Variants in CADM1 observed in about 807,000 individuals in gnomAD.
CADM1 encodes the protein TSLC-1.
Under a neutral mutation model 53.1 loss-of-function variants are expected in CADM1, and 15 were observed. The observed-to-expected ratio is 0.28, with a 90% CI of 0.19 to 0.44. CADM1 has a LOEUF of 0.44. CADM1 is among the 20% of genes least tolerant of loss of function. CADM1 has a pLI of 1.00. For synonymous variants in CADM1, 281 were observed against 243.0 expected (o/e 1.16, Z -1.45); for missense variants, 434 against 611.3 (o/e 0.71, Z 3.06).
chr11:115,417,032 T>G (rs1440877954), intron 1 of CADM1, among the ~76,000 whole-genome samples: 1 of 152,156 alleles, frequency 6.6e-6, no homozygotes, highest in African/African-American at 2.4e-5. Context: ...TAATTCAATA[T>G]GGAAGTATAG....
chr11:115,315,146 C>A lies in CADM1; in HGVS notation c.125-74726G>T, dbSNP rs151141717. ...TTGTGACACTAAAATCAATTTCCTA[C>A]GCCTTTACTAACTGTTCTACCAAAA... is the stretch of plus-strand genomic sequence containing the variant. On this transcript the variant is annotated intron_variant, in intron 1 of 11. Transcript: ENST00000331581. 7.9e-4 allele frequency among the ~76,000 whole-genome samples: 120 copies of A among 152,134 alleles called. 1 individual carries two copies. The highest frequency in any genetic ancestry group is 2.8e-3 in the African/African-American group (115 of 41,500).
chr11:115,454,296 A>G (rs926721818), intron 1 of CADM1, among the ~76,000 whole-genome samples: 97 of 152,354 alleles, frequency 6.4e-4, no homozygotes, highest in African/African-American at 2.2e-3. Flanking sequence ...GGCTAAAAAT[A>G]GCAGAAGTAA....
Position 115,175,396 on chromosome 11 carries a change from T to C in CADM1, c.*1078A>G. On this transcript the variant is annotated 3_prime_UTR_variant, in exon 12 of 12. Coordinates refer to ENST00000331581, the MANE Select transcript of CADM1 (RefSeq NM_001301043.2). ...AAAGGAAAAAAAAAAAAAAATCAAC[T>C]CTGTCCCATTCAGTCATTCGCACAA... The C allele has an allele frequency of 1.0e-6, 1 of 980,304 alleles. No homozygotes were observed. The highest frequency in any genetic ancestry group is 1.2e-6 in the Non-Finnish European group (1 of 826,326). 60.7% of individuals were successfully genotyped at this position (980,304 alleles called of 1,614,324 possible).
chr11:115,485,531 G>C (rs1418749235), intron 1 of CADM1, among the ~76,000 whole-genome samples: 1 of 152,198 alleles, frequency 6.6e-6, no homozygotes, highest in Non-Finnish European at 1.5e-5. Flanking sequence ...GGAGACAACT[G>C]AATCATGGGG....
intron 8 of CADM1, among the ~76,000 whole-genome samples, chr11:115,206,408 T>A (rs994100920): frequency 6.6e-5 from 10 of 152,042 alleles, no homozygotes; most frequent in African/African-American, 2.2e-4. Context: ...CCATGAGGGG[T>A]ATGATTCTGG....
intron 1 of CADM1, among the ~76,000 whole-genome samples, chr11:115,279,981 C>T (rs1318419567): frequency 6.6e-6 from 1 of 152,208 alleles, no homozygotes; most frequent in Non-Finnish European, 1.5e-5. Context: ...AGCTAAGCCC[C>T]TTCTCATCAA....
chr11:115,455,849 G>A (rs775057672), intron 1 of CADM1, among the ~76,000 whole-genome samples: 12 of 152,158 alleles, frequency 7.9e-5, no homozygotes, highest in Non-Finnish European at 1.5e-4. Flanking sequence ...TGACAGCAGC[G>A]TGTTGCGTGC....
intron 1 of CADM1, among the ~76,000 whole-genome samples, chr11:115,502,078 T>C (rs979927117): frequency 1.3e-5 from 2 of 152,162 alleles, no homozygotes; most frequent in Admixed American, 1.3e-4. Context: ...AATTTTCATG[T>C]AGCTTTGACA....
chr11:115,389,306 C>T (rs1036944038), intron 1 of CADM1, among the ~76,000 whole-genome samples: 1 of 152,140 alleles, frequency 6.6e-6, no homozygotes, highest in Admixed American at 6.5e-5. Context: ...ACAACAACAA[C>T]AGACAAACAA....
chr11:115,439,252 ATAT>A (rs1475777416), intron 1 of CADM1, among the ~76,000 whole-genome samples: 1 of 152,220 alleles, frequency 6.6e-6, no homozygotes, highest in Admixed American at 6.5e-5. Context: ...GGCAAAGATA[ATAT>A]TATGGACATA....
In CADM1 at chr11:115,174,648, T is replaced by C. The variant is rs1470840754; in HGVS notation, c.*1826A>G. 1 of 981,624 alleles carries C rather than the reference T, an allele frequency of 1.0e-6. No homozygotes were observed. Among genetic ancestry groups the C allele is most frequent in the African/African-American group, 1.8e-5 (1 of 54,808 alleles). 60.8% of individuals were successfully genotyped at this position (981,624 alleles called of 1,614,324 possible). On this transcript the variant is annotated 3_prime_UTR_variant, in exon 12 of 12. Transcript: ENST00000331581. ...CAAAGAGTTGACACTTTTTCCCCCTTAAATAAATCAGCATAAGTTTTCCAC... is the reference window on the plus strand; with the variant it reads ...CAAAGAGTTGACACTTTTTCCCCCTCAAATAAATCAGCATAAGTTTTCCAC...
At chr11:115,219,152 A>C (rs1941308255) in intron 5 of CADM1, among the ~76,000 whole-genome samples, 1 of 152,182 alleles carries the variant, frequency 6.6e-6, no homozygotes, top group South Asian at 2.1e-4. Flanking sequence ...TTTCTCAGAC[A>C]ATCATACCAC....
chr11:115,417,887 A>G (rs1947645195), intron 1 of CADM1, among the ~76,000 whole-genome samples: 2 of 152,220 alleles, frequency 1.3e-5, no homozygotes, highest in Admixed American at 1.3e-4. Flanking sequence ...AAATTTTAAC[A>G]TACAAGTCAC....
chr11:115,400,661 G>GTATA (rs372594262), intron 1 of CADM1, among the ~76,000 whole-genome samples: 1,214 of 45,550 alleles, frequency 0.027, 28 homozygotes, highest in Non-Finnish European at 0.034. Flanking sequence ...GTGTGTGTGT[G>GTATA]TATATATATA....
intron 6 of CADM1, among the ~76,000 whole-genome samples, chr11:115,216,204 G>T (rs1287036061): frequency 2.0e-5 from 3 of 152,180 alleles, no homozygotes; most frequent in Non-Finnish European, 4.4e-5. Context: ...TAAGTAACAT[G>T]CTAGAAGGGG....
intron 6 of CADM1, among the ~76,000 whole-genome samples, chr11:115,216,472 AT>A (rs571330673): frequency 0.011 from 1,613 of 152,038 alleles, 28 homozygotes; most frequent in African/African-American, 0.035. Context: ...GCCTCTGAGA[AT>A]TTTTTTTTCT....
chr11:115,232,433 A>C (rs1246218975), intron 3 of CADM1, among the ~76,000 whole-genome samples: 4 of 152,240 alleles, frequency 2.6e-5, no homozygotes, highest in Non-Finnish European at 5.9e-5. Context: ...AATGCCAATT[A>C]GTTTGCAGCA....
chr11:115,269,168 A>G (rs1943227964), intron 1 of CADM1, among the ~76,000 whole-genome samples: 1 of 152,138 alleles, frequency 6.6e-6, no homozygotes, highest in African/African-American at 2.4e-5. Context: ...GCTGTCATTC[A>G]AGCAAATCCA....
rs1197682134 is a variant in CADM1, at chr11:115,176,156, CAACA to C, written c.*314_*317del. 1.1e-5 allele frequency: 13 copies of C among 1,176,126 alleles called. No individual in the cohort carries two copies. The highest frequency in any genetic ancestry group is 1.0e-4 in the South Asian group (6 of 57,180). 72.9% of individuals were successfully genotyped at this position (1,176,126 alleles called of 1,614,324 possible). ...CACAAAGGGGGAAAAGAAAGGAACG[CAACA>C]AACAAACAAAAAACAAGGCACAGAA... On this transcript the variant is annotated 3_prime_UTR_variant, in exon 12 of 12. Coordinates refer to ENST00000331581, the MANE Select transcript of CADM1 (RefSeq NM_001301043.2).
Sources: gnomAD v4.1 joint callset for allele counts (sites outside exome capture counted in the v4.1 genomes callset) on GRCh38, gnomAD v4.1.1 for gene constraint, MANE v1.5 for transcripts, NCBI Gene and HGNC (gene_info 2026-07-23, HGNC 2026-07-21) for gene names.